ERBB4: variants seen among roughly 807,000 people sequenced by gnomAD.
ERBB4 encodes the protein receptor tyrosine-protein kinase erbB-4.
Under a neutral mutation model 158.0 loss-of-function variants are expected in ERBB4, and 42 were observed. The observed-to-expected ratio is 0.27, with a 90% CI of 0.21 to 0.34. The LOEUF (loss-of-function observed/expected upper bound fraction) is 0.34, where lower values mean the gene tolerates loss of function less well. ERBB4 is among the 10% of genes least tolerant of loss of function. The pLI is 1.00. For missense variants in ERBB4, 1,333 were observed against 1,624.1 expected (o/e 0.82, Z 3.08); for synonymous variants, 583 against 558.7 (o/e 1.04, Z -0.61).
intron 3 of ERBB4, among the ~76,000 whole-genome samples, chr2:211,830,974 T>C (rs902801291): frequency 7.9e-5 from 12 of 151,172 alleles, no homozygotes; most frequent in Non-Finnish European, 1.0e-4. Context: ...AGGATGAAAA[T>C]AGAGTGGAAC....
intron 3 of ERBB4, among the ~76,000 whole-genome samples, chr2:211,888,690 G>T (rs929168347): frequency 6.6e-6 from 1 of 151,508 alleles, no homozygotes; most frequent in East Asian, 1.9e-4. Flanking sequence ...CAGTGGGTGC[G>T]CGCACCGTGC....
intron 5 of ERBB4, among the ~76,000 whole-genome samples, chr2:211,730,085 A>ATCAAG (rs1208483716): frequency 6.6e-6 from 1 of 151,962 alleles, no homozygotes; most frequent in African/African-American, 2.4e-5. Flanking sequence ...GAGAATGTCT[A>ATCAAG]TCAAGTCAAA....
chr2:211,854,392 T>C (rs924567665), intron 3 of ERBB4, among the ~76,000 whole-genome samples: 13 of 152,140 alleles, frequency 8.5e-5, no homozygotes, highest in Non-Finnish European at 1.6e-4. Flanking sequence ...TTCACATTTT[T>C]TTAAAAAGGG....
In ERBB4 at chr2:211,471,970, T is replaced by C. The variant is rs530968223; in HGVS notation, c.2488-40870A>G. On this transcript the variant is annotated intron_variant, in intron 20 of 27. Transcript: ENST00000342788. ...CAGCCTGAGCAACAGAGTGAGACCCTGTCTCTTAAAAAAGGGGGAAAAAAG... is the reference window on the plus strand; with the variant it reads ...CAGCCTGAGCAACAGAGTGAGACCCCGTCTCTTAAAAAAGGGGGAAAAAAG... Among the ~76,000 whole-genome samples, 119 of 152,186 alleles carry C rather than the reference T, an allele frequency of 7.8e-4. 2 individuals carry two copies. The South Asian group carries it at 0.025, about 31-fold the overall frequency.
At chr2:211,951,907 T>G (rs2080884931) in intron 2 of ERBB4, among the ~76,000 whole-genome samples, 1 of 152,108 alleles carries the variant, frequency 6.6e-6, no homozygotes, top group African/African-American at 2.4e-5. Flanking sequence ...CACCCATAAG[T>G]TGGTCCATAG....
chr2:211,701,993 C>T lies in ERBB4; in HGVS notation c.1463G>A (p.Arg488Gln), dbSNP rs762812065. The T allele has an allele frequency of 3.7e-6, 6 of 1,613,728 alleles. No homozygotes were observed. Among genetic ancestry groups the T allele is most frequent in the East Asian group, 2.2e-5 (1 of 44,854 alleles). ...FSTINQRIVI[R>Q]DNRKAENCTA... ...ACAATTTTCAGCTTTTCTGTTGTCCCGGATTACTATTCTCTGGTTGATTGT... is the reference window on the plus strand; with the variant it reads ...ACAATTTTCAGCTTTTCTGTTGTCCTGGATTACTATTCTCTGGTTGATTGT... The change falls in exon 12 of 28, where the codon CGG (arginine) becomes CAG (glutamine). Residue 488 changes from arginine to glutamine, a missense_variant. Physicochemically the swap from Arg to Gln is conservative, Grantham distance 43 (BLOSUM62 1). Coordinates refer to ENST00000342788, the MANE Select transcript of ERBB4 (RefSeq NM_005235.3).
At chr2:211,652,191 A>G (rs1210376906) in intron 16 of ERBB4, among the ~76,000 whole-genome samples, 5 of 152,180 alleles carry the variant, frequency 3.3e-5, no homozygotes, top group Admixed American at 2.6e-4. Context: ...CTCTTCCCCT[A>G]TAATTCTGTG....
chr2:211,440,676 A>G (rs534489272), intron 20 of ERBB4, among the ~76,000 whole-genome samples: 30 of 152,308 alleles, frequency 2.0e-4, no homozygotes, highest in Admixed American at 1.4e-3. Context: ...ATTACAAAGC[A>G]AAACTTCTGC....
intron 16 of ERBB4, among the ~76,000 whole-genome samples, chr2:211,651,641 G>GATTCAAAGA (rs555488786): frequency 4.0e-4 from 55 of 138,532 alleles, no homozygotes; most frequent in Admixed American, 3.4e-3. Flanking sequence ...AAATCTAGGA[G>GATTCAAAGA]ATTCAAAGAA....
chr2:211,477,246 G>A (rs1209729459), intron 20 of ERBB4, among the ~76,000 whole-genome samples: 1 of 151,912 alleles, frequency 6.6e-6, no homozygotes, highest in Admixed American at 6.6e-5. Flanking sequence ...GCCCTACCCT[G>A]TGATTTTAGA....
At chr2:211,958,228 T>C (rs552229158) in intron 2 of ERBB4, among the ~76,000 whole-genome samples, 7 of 152,282 alleles carry the variant, frequency 4.6e-5, no homozygotes, top group African/African-American at 1.7e-4. Context: ...CAACAAGGTC[T>C]GATGTTACTT....
At chr2:211,796,287 T>C (rs543303504) in intron 3 of ERBB4, among the ~76,000 whole-genome samples, 3 of 152,116 alleles carry the variant, frequency 2.0e-5, no homozygotes, top group African/African-American at 7.2e-5. Context: ...TTTTGCTCGA[T>C]ATTATGTTTG....
At chr2:212,296,676 T>G (rs1457374646) in intron 1 of ERBB4, among the ~76,000 whole-genome samples, 2 of 151,942 alleles carry the variant, frequency 1.3e-5, no homozygotes, top group Non-Finnish European at 2.9e-5. Context: ...GTTTGCCAAC[T>G]GGCTTCAATC....
Position 211,452,248 on chromosome 2 carries a change from G to A in ERBB4, c.2488-21148C>T, listed in dbSNP as rs1040379197. The stretch of plus-strand genomic sequence containing the variant: ...GCTGGAGTGCAATGGCGCGATCTCG[G>A]CTCACTGCAACCTCTGCCTCCCGGG... On this transcript the variant is annotated intron_variant, in intron 20 of 27. Transcript: ENST00000342788. Among the ~76,000 whole-genome samples the A allele has an allele frequency of 1.7e-3, 259 of 152,216 alleles. 4 individuals carry two copies. Among genetic ancestry groups the A allele is most frequent in the Non-Finnish European group, 1.6e-3 (108 of 68,002 alleles).
intron 19 of ERBB4, among the ~76,000 whole-genome samples, chr2:211,580,981 T>C (rs757637480): frequency 6.8e-6 from 1 of 147,930 alleles, no homozygotes; most frequent in Non-Finnish European, 1.5e-5. Context: ...CTGGATGAGA[T>C]TCAAGACTAT....
chr2:211,698,323 A>G (rs1036403697), intron 12 of ERBB4, among the ~76,000 whole-genome samples: 47 of 151,708 alleles, frequency 3.1e-4, no homozygotes, highest in Non-Finnish European at 5.7e-4. Flanking sequence ...AGAAAAAAAA[A>G]AAAAAAAAAA....
intron 1 of ERBB4, among the ~76,000 whole-genome samples, chr2:212,427,542 A>C (rs1296160626): frequency 1.3e-5 from 2 of 152,298 alleles, no homozygotes; most frequent in East Asian, 3.9e-4. Context: ...TGTATGAGAT[A>C]GTTTTTATGC....
At position 212,200,386 on chromosome 2, in the gene ERBB4, T is replaced by C. The variant is rs149984162; in HGVS notation, c.83-75483A>G. Among the ~76,000 whole-genome samples, 516 of 152,284 alleles carry C rather than the reference T, an allele frequency of 3.4e-3. 10 individuals are homozygous for C. The highest frequency in any genetic ancestry group is 0.031 in the Admixed American group (476 of 15,296). ...ACATCTTTAGACAAAATATTTATCTTGTAAAGTTTTTCAGAAATTAAAAAT... is the reference window on the plus strand; with the variant it reads ...ACATCTTTAGACAAAATATTTATCTCGTAAAGTTTTTCAGAAATTAAAAAT... On this transcript the variant is annotated intron_variant, in intron 1 of 27. Coordinates refer to ENST00000342788, the MANE Select transcript of ERBB4 (RefSeq NM_005235.3).
chr2:211,985,026 T>C (rs1471357382), intron 2 of ERBB4, among the ~76,000 whole-genome samples: 3 of 152,202 alleles, frequency 2.0e-5, no homozygotes, highest in Non-Finnish European at 4.4e-5. Flanking sequence ...TAGAGTGTTA[T>C]TGTTTTCATG....
Sources: allele counts gnomAD v4.1 joint callset (sites outside exome capture counted in the v4.1 genomes callset), GRCh38; gene constraint gnomAD v4.1.1; transcripts MANE v1.5; gene names NCBI Gene and HGNC (gene_info 2026-07-23, HGNC 2026-07-21).